Variants in HSD17B12 observed in about 807,000 individuals in gnomAD.
HSD17B12 encodes the protein hydroxysteroid 17-beta dehydrogenase 12.
HSD17B12 carries 32 observed loss-of-function variants against 39.3 expected under a neutral mutation model. That is an observed-to-expected ratio of 0.81 (90% CI 0.61 to 1.09). HSD17B12 has a LOEUF of 1.09. Ranked by LOEUF, HSD17B12 falls within the 50% of genes least tolerant of loss-of-function variation. The pLI is 0.00. For synonymous variants in HSD17B12, 150 were observed against 146.7 expected, an observed-to-expected ratio of 1.02 and a Z score of -0.16; for missense variants, 342 against 382.9, an observed-to-expected ratio of 0.89 and a Z score of 0.89.
At chr11:43,760,730 GTT>G (rs1261626658) in intron 3 of HSD17B12, among the ~76,000 whole-genome samples, 1 of 152,098 alleles carries the variant, frequency 6.6e-6, no homozygotes, top group Non-Finnish European at 1.5e-5. Flanking sequence ...TATTTAGCTT[GTT>G]TTGTTTTCAT....
chr11:43,761,299 T>C (rs568719597), intron 3 of HSD17B12, among the ~76,000 whole-genome samples: 9 of 152,370 alleles, frequency 5.9e-5, no homozygotes, highest in Non-Finnish European at 5.9e-5. Flanking sequence ...TACATTGTCA[T>C]GTAAAATAAA....
At chr11:43,849,692 C>T (rs1590349673) in intron 9 of HSD17B12, among the ~76,000 whole-genome samples, 1 of 152,282 alleles carries the variant, frequency 6.6e-6, no homozygotes, top group African/African-American at 2.4e-5. Context: ...GTATTTTTTT[C>T]ATCTTGCTTT....
rs529891415 is a variant in HSD17B12, at chr11:43,746,022, A to T, written c.161-4889A>T. On this transcript the variant is annotated intron_variant, in intron 1 of 10. Coordinates refer to ENST00000278353, the MANE Select transcript of HSD17B12 (RefSeq NM_016142.3). ...AAGACCCTGACTCTTAAAAATAAAC[A>T]AACAAAAGATTAAAAATGGCACATC... Among the ~76,000 whole-genome samples, 50 of 152,270 alleles carry T rather than the reference A, an allele frequency of 3.3e-4. 1 individual carries two copies. Among genetic ancestry groups the T allele is most frequent in the Admixed American group, 3.3e-3 (50 of 15,286 alleles).
At chr11:43,623,590 A>C in the HSD17B12 span, among the ~76,000 whole-genome samples, 1 of 152,072 alleles carries the variant, frequency 6.6e-6, no homozygotes. Flanking sequence ...ATAGTAATTC[A>C]GCAATGTATT....
At chr11:43,593,400 T>C in the HSD17B12 span, among the ~76,000 whole-genome samples, 3 of 152,192 alleles carry the variant, frequency 2.0e-5, no homozygotes, top group Non-Finnish European at 1.5e-5. Context: ...CTGAACTAAA[T>C]CTCAGAACTT....
chr11:43,754,917 A>T (rs979905430), intron 3 of HSD17B12: 3 of 759,732 alleles, frequency 3.9e-6, no homozygotes, highest in African/African-American at 3.4e-5. Flanking sequence ...AAAGACTCTT[A>T]ACTAACTTCT....
chr11:43,629,724 A>T, the HSD17B12 span, among the ~76,000 whole-genome samples: 8 of 152,232 alleles, frequency 5.3e-5, no homozygotes, highest in African/African-American at 1.9e-4. Context: ...TCACTACAAA[A>T]TAAAAAGCCC....
intron 3 of HSD17B12, among the ~76,000 whole-genome samples, chr11:43,794,893 G>A (rs1950902838): frequency 6.6e-6 from 1 of 152,180 alleles, no homozygotes; most frequent in Non-Finnish European, 1.5e-5. Context: ...GAGAGGCTGT[G>A]TCATTTCTTA....
At chr11:43,655,959 G>A in the HSD17B12 span, among the ~76,000 whole-genome samples, 1 of 152,146 alleles carries the variant, frequency 6.6e-6, no homozygotes, top group Non-Finnish European at 1.5e-5. Context: ...ACTATTGATT[G>A]GAATAGTTTC....
At chr11:43,722,254 T>G (rs943181461) in intron 1 of HSD17B12, among the ~76,000 whole-genome samples, 6 of 152,192 alleles carry the variant, frequency 3.9e-5, no homozygotes, top group Non-Finnish European at 5.9e-5. Context: ...ACTCCTAAAG[T>G]GAAATTGTTT....
intron 3 of HSD17B12, among the ~76,000 whole-genome samples, chr11:43,787,232 T>C (rs1950823935): frequency 6.6e-6 from 1 of 152,048 alleles, no homozygotes. Context: ...GTGAGCCACC[T>C]TGCCTGGCCT....
chr11:43,758,535 C>T (rs551587796), intron 3 of HSD17B12, among the ~76,000 whole-genome samples: 3 of 152,308 alleles, frequency 2.0e-5, no homozygotes, highest in Admixed American at 2.0e-4. Flanking sequence ...AATTCTGCAA[C>T]TGGCACATTT....
chr11:43,813,348 T>A (rs1408670687), intron 4 of HSD17B12, among the ~76,000 whole-genome samples: 1 of 152,224 alleles, frequency 6.6e-6, no homozygotes, highest in African/African-American at 2.4e-5. Context: ...AATTTTCCTT[T>A]GCATTTTGAA....
chr11:43,579,878 C>A, the HSD17B12 span, among the ~76,000 whole-genome samples: 1 of 151,416 alleles, frequency 6.6e-6, no homozygotes, highest in African/African-American at 2.4e-5. Context: ...AGTGTGTGTG[C>A]GCGCGCGCGC....
chr11:43,583,206 A>G, the HSD17B12 span, among the ~76,000 whole-genome samples: 1 of 152,228 alleles, frequency 6.6e-6, no homozygotes, highest in Non-Finnish European at 1.5e-5. Flanking sequence ...GAGCCACCGC[A>G]GCGCAGGCGG....
intron 1 of HSD17B12, among the ~76,000 whole-genome samples, chr11:43,718,321 T>C (rs894130915): frequency 1.3e-5 from 2 of 152,210 alleles, no homozygotes; most frequent in African/African-American, 4.8e-5. Flanking sequence ...AGAATATACT[T>C]ACTCCTCTCT....
At chr11:43,574,061 A>C in the HSD17B12 span, among the ~76,000 whole-genome samples, 1 of 152,250 alleles carries the variant, frequency 6.6e-6, no homozygotes, top group African/African-American at 2.4e-5. Flanking sequence ...AGCTAAAAAT[A>C]AACAGCTGCT....
At chr11:43,841,284 C>T (rs1951423427) in intron 9 of HSD17B12, among the ~76,000 whole-genome samples, 1 of 152,158 alleles carries the variant, frequency 6.6e-6, no homozygotes, top group East Asian at 1.9e-4. Context: ...TGGATGTTGT[C>T]CCATTTTAGA....
the HSD17B12 span, among the ~76,000 whole-genome samples, chr11:43,618,802 A>C: frequency 4.6e-5 from 7 of 152,138 alleles, no homozygotes; most frequent in Non-Finnish European, 1.0e-4. Context: ...GTCAAACAGA[A>C]ACTTCATAGT....
Sources: allele counts gnomAD v4.1 joint callset (sites outside exome capture counted in the v4.1 genomes callset), GRCh38; gene constraint gnomAD v4.1.1; transcripts MANE v1.5; gene names NCBI Gene and HGNC (gene_info 2026-07-23, HGNC 2026-07-21).